Variants in ADGRL2 observed in about 807,000 individuals in gnomAD.
The protein encoded by ADGRL2 is calcium-independent alpha-latrotoxin receptor 2.
A neutral mutation model predicts 157.4 loss-of-function variants in ADGRL2; 44 were observed. That is an observed-to-expected ratio of 0.28 (90% CI 0.22 to 0.36). The LOEUF is 0.36. Ranked by LOEUF, ADGRL2 falls within the 10% of genes least tolerant of loss-of-function variation. The probability of loss-of-function intolerance (pLI) is 1.00; values close to 1 mark genes in which losing one functional copy is unlikely to be tolerated. For missense variants in ADGRL2, 1,510 were observed against 1,768.9 expected, an observed-to-expected ratio of 0.85 and a Z score of 2.63; for synonymous variants, 585 against 624.7, an observed-to-expected ratio of 0.94 and a Z score of 0.95.
At chr1:81,548,052 G>A (rs533710313) in intron 2 of ADGRL2, among the ~76,000 whole-genome samples, 1 of 152,258 alleles carries the variant, frequency 6.6e-6, no homozygotes, top group Non-Finnish European at 1.5e-5. Context: ...AGCTGGGAAG[G>A]AGTTCTTTCT....
chr1:81,393,471 C>T (rs2076596796), intron 1 of ADGRL2, among the ~76,000 whole-genome samples: 2 of 152,076 alleles, frequency 1.3e-5, no homozygotes, highest in Admixed American at 1.3e-4. Context: ...GCTAACAGTT[C>T]CTGCTCTTAT....
intron 1 of ADGRL2, among the ~76,000 whole-genome samples, chr1:81,375,466 A>G (rs60508176): frequency 0.015 from 2,339 of 152,326 alleles, 60 homozygotes; most frequent in African/African-American, 0.053. Context: ...GATTTTATCA[A>G]TTAAGAAGCT....
intron 2 of ADGRL2, among the ~76,000 whole-genome samples, chr1:81,880,929 G>A (rs1033245541): frequency 1.6e-4 from 25 of 151,716 alleles, no homozygotes; most frequent in African/African-American, 5.3e-4. Context: ...TTTAACCAGC[G>A]AAGTGGAATA....
chr1:81,347,125 G>A (rs1403964215), intron 1 of ADGRL2, among the ~76,000 whole-genome samples: 1 of 152,162 alleles, frequency 6.6e-6, no homozygotes, highest in Non-Finnish European at 1.5e-5. Context: ...TGGGTTGGGT[G>A]CAGTGGCTCA....
intron 1 of ADGRL2, among the ~76,000 whole-genome samples, chr1:81,373,107 C>A (rs1357143493): frequency 2.0e-5 from 3 of 152,148 alleles, no homozygotes; most frequent in Non-Finnish European, 4.4e-5. Flanking sequence ...GGACCTCTGT[C>A]TCATCCAATA....
intron 16 of ADGRL2, 77 bp downstream of exon 16, chr1:81,970,611 C>G: frequency 9.6e-7 from 1 of 1,039,202 alleles, no homozygotes; most frequent in South Asian, 1.4e-5. Context: ...GTGAGGGTCC[C>G]TGACAGATTA....
At chr1:81,646,762 T>C (rs2082323026) in intron 3 of ADGRL2, among the ~76,000 whole-genome samples, 1 of 152,216 alleles carries the variant, frequency 6.6e-6, no homozygotes, top group Non-Finnish European at 1.5e-5. Context: ...GAGGAAGGTC[T>C]TTGAGACCAG....
chr1:81,802,316 T>C (rs562795124), intron 1 of ADGRL2, among the ~76,000 whole-genome samples: 3 of 152,110 alleles, frequency 2.0e-5, no homozygotes, highest in African/African-American at 7.2e-5. Flanking sequence ...GGGTGGATGC[T>C]GGAGGCGCAG....
rs2078868658 is a variant in ADGRL2 at position 81,502,221 on chromosome 1, C to T, written c.-248+57132C>T. 1.9e-6 allele frequency: 3 copies of T among 1,605,718 alleles called. No homozygotes were observed. In the African/African-American group the frequency reaches 4.0e-5, roughly 22 times the overall value. ...AATCTACTTCCAGCACCAGGGCTCCCACCACATGGACAACAAGCTAAAGAA... is the reference window on the plus strand; with the variant it reads ...AATCTACTTCCAGCACCAGGGCTCCTACCACATGGACAACAAGCTAAAGAA... On this transcript the variant is annotated intron_variant, in intron 2 of 24. Transcript: ENST00000370721.
chr1:81,308,351 A>G (rs1659497905), intron 1 of ADGRL2, among the ~76,000 whole-genome samples: 1 of 152,146 alleles, frequency 6.6e-6, no homozygotes, highest in Admixed American at 6.5e-5. Flanking sequence ...TTTGTCACTA[A>G]CAGTAAAGGA....
intron 3 of ADGRL2, among the ~76,000 whole-genome samples, chr1:81,649,954 T>C (rs1031249523): frequency 5.9e-5 from 9 of 152,036 alleles, no homozygotes; most frequent in African/African-American, 1.9e-4. Context: ...AACAGTAGTA[T>C]CATGCTGGGC....
At chr1:81,823,465 A>G (rs538024881) in intron 1 of ADGRL2, among the ~76,000 whole-genome samples, 2 of 149,348 alleles carry the variant, frequency 1.3e-5, no homozygotes, top group South Asian at 2.1e-4. Flanking sequence ...ATTGTCAAAA[A>G]CATTTATTAT....
intron 1 of ADGRL2, among the ~76,000 whole-genome samples, chr1:81,718,724 T>C (rs1303441975): frequency 6.6e-6 from 1 of 152,228 alleles, no homozygotes; most frequent in African/African-American, 2.4e-5. Context: ...CCCAAAGCAG[T>C]TGGTATGACA....
chr1:81,318,928 C>CTTTTTTTT lies in ADGRL2; in HGVS notation c.-302+12442_-302+12449dup, dbSNP rs397980625. ...TTTTATCCTCCATCCTCCATCAATT[C>CTTTTTTTT]TTTTTTTTTTTTTTTTTTTTTTTTT... On this transcript the variant is annotated intron_variant, in intron 1 of 24. Coordinates refer to the ADGRL2 transcript ENST00000370721. Among the ~76,000 whole-genome samples, 19 of 45,830 alleles carry CTTTTTTTT rather than the reference C, an allele frequency of 4.1e-4. 2 individuals carry two copies. The highest frequency in any genetic ancestry group is 6.1e-4 in the Non-Finnish European group (17 of 27,716). 30.1% of individuals were successfully genotyped at this position (45,830 alleles called of 152,430 possible).
intron 2 of ADGRL2, among the ~76,000 whole-genome samples, chr1:81,876,682 G>A (rs12143946): frequency 0.27 from 41,157 of 151,974 alleles, 6,344 homozygotes; most frequent in Middle Eastern, 0.51. Context: ...TGTGACTCGA[G>A]GGATCAGATG....
intron 2 of ADGRL2, among the ~76,000 whole-genome samples, chr1:81,534,441 C>T (rs1388139164): frequency 6.6e-6 from 1 of 152,144 alleles, no homozygotes; most frequent in Non-Finnish European, 1.5e-5. Flanking sequence ...GGGTTACAGG[C>T]GTTAGCCACC....
intron 3 of ADGRL2, among the ~76,000 whole-genome samples, chr1:81,655,818 TG>T (rs2082522327): frequency 2.9e-4 from 7 of 24,076 alleles, no homozygotes; most frequent in Admixed American, 6.9e-4. Flanking sequence ...ATGGCTCTTA[TG>T]TGTGTGTGTG....
intron 3 of ADGRL2, among the ~76,000 whole-genome samples, chr1:81,679,413 A>C (rs2083062848): frequency 6.6e-6 from 1 of 151,878 alleles, no homozygotes; most frequent in African/African-American, 2.4e-5. Context: ...GTAAGAAAAA[A>C]AAAAAACAGG....
intron 2 of ADGRL2, among the ~76,000 whole-genome samples, chr1:81,462,375 T>A (rs963052330): frequency 3.9e-5 from 6 of 152,162 alleles, no homozygotes; most frequent in African/African-American, 9.7e-5. Flanking sequence ...TACTCAGTCT[T>A]TGGGTCTGTG....
Sources: allele counts gnomAD v4.1 joint callset (sites outside exome capture counted in the v4.1 genomes callset), GRCh38; gene constraint gnomAD v4.1.1; transcripts MANE v1.5; gene names NCBI Gene and HGNC (gene_info 2026-07-23, HGNC 2026-07-21).